Variants in FXYD5 observed in about 807,000 individuals in gnomAD.
FXYD5 encodes the protein FXYD domain containing ion transport regulator 5, also known as FXYD domain-containing ion transport regulator 5.
FXYD5 carries 21 observed loss-of-function variants against 25.7 expected under a neutral mutation model. The observed-to-expected ratio is 0.82, with a 90% CI of 0.58 to 1.18. The LOEUF is 1.18. Ranked by LOEUF, FXYD5 falls within the 50% of genes most tolerant of loss-of-function variation. The pLI is 0.00. For synonymous variants in FXYD5, 101 were observed against 90.7 expected (o/e 1.11, Z -0.64); for missense variants, 229 against 227.7 (o/e 1.01, Z -0.04).
chr19:35,164,141 TG>T lies in FXYD5; in HGVS notation c.293-13del. 1 of 1,613,636 alleles carries T rather than the reference TG, an allele frequency of 6.2e-7. No homozygotes were observed. Reference sequence around the variant, plus strand: ...GGCTCACTCCTGCCCTCCACTGATCTGGCCACTCTCTCAGCTCATCCCACTG... The same window carrying T: ...GGCTCACTCCTGCCCTCCACTGATCTGCCACTCTCTCAGCTCATCCCACTG... On this transcript the variant is annotated splice_polypyrimidine_tract_variant and intron_variant, in intron 5 of 8. Coordinates refer to ENST00000392219, the MANE Select transcript of FXYD5 (RefSeq NM_014164.6).
chr19:35,156,649 G>T (rs2065358516), intron 2 of FXYD5, among the ~76,000 whole-genome samples: 1 of 152,186 alleles, frequency 6.6e-6, no homozygotes, highest in Non-Finnish European at 1.5e-5. Flanking sequence ...AGGCAGGTGG[G>T]GTGGCTGGGT....
chr19:35,169,659 A>AC lies in FXYD5; in HGVS notation c.*46dup. 1.5e-6 allele frequency: 2 copies of AC among 1,332,784 alleles called. No homozygotes were observed. Among genetic ancestry groups the AC allele is most frequent in the Non-Finnish European group, 2.2e-6 (2 of 923,654 alleles). The allele number at this position is 1,332,784 out of a possible 1,614,324, so 82.6% of individuals were successfully genotyped here. On this transcript the variant is annotated 3_prime_UTR_variant, in exon 9 of 9. Transcript: ENST00000392219. The stretch of plus-strand genomic sequence containing the variant: ...CTGACAACCTGCTGGGCACCCGAAG[A>AC]CCAAGCCCCCTGCCAGCTCACCGTG...
chr19:35,155,648 C>A (rs377315579), intron 2 of FXYD5, 37 bp downstream of exon 2: 7 of 1,499,858 alleles, frequency 4.7e-6, no homozygotes, highest in African/African-American at 2.7e-5. Flanking sequence ...TGCCCCAGAG[C>A]CCCCAGCCAG....
intron 8 of FXYD5, among the ~76,000 whole-genome samples, 173 bp from the exon 9 acceptor site, chr19:35,169,393 C>T (rs1600514389): frequency 1.3e-5 from 2 of 151,426 alleles, no homozygotes; most frequent in South Asian, 2.1e-4. Flanking sequence ...AAGGGCCTCT[C>T]GCAGGGCCCC....
At chr19:35,160,398 G>T (rs150475920) in intron 4 of FXYD5, among the ~76,000 whole-genome samples, 1 of 152,006 alleles carries the variant, frequency 6.6e-6, no homozygotes, top group Non-Finnish European at 1.5e-5. Context: ...TGCCCAGGTC[G>T]CTGTGCAATG....
intron 2 of FXYD5, 104 bp downstream of exon 2, chr19:35,155,715 C>T (rs985705340): frequency 1.9e-5 from 16 of 837,876 alleles, no homozygotes; most frequent in Admixed American, 3.5e-5. Context: ...GTTGTCCTGC[C>T]CTGTCACCCT....
At chr19:35,157,629 C>T in intron 3 of FXYD5, 128 bp downstream of exon 3, 1 of 594,296 alleles carries the variant, frequency 1.7e-6, no homozygotes, top group South Asian at 1.8e-5. Flanking sequence ...TACAGACCTT[C>T]AGGCATGGCT....
chr19:35,164,537 G>A (rs2065434222), intron 6 of FXYD5, among the ~76,000 whole-genome samples: 1 of 152,194 alleles, frequency 6.6e-6, no homozygotes, highest in Admixed American at 6.5e-5. Flanking sequence ...CAGCTGGCTG[G>A]TTCTTCTGGT....
At chr19:35,165,998 G>A (rs939046123) in intron 6 of FXYD5, 144 bp from the exon 7 acceptor site, 3 of 765,674 alleles carry the variant, frequency 3.9e-6, no homozygotes, top group African/African-American at 1.7e-5. Context: ...GAGGAATAAT[G>A]GGAGCCAGAT....
intron 5 of FXYD5, 110 bp downstream of exon 5, chr19:35,160,911 T>C (rs2065399225): frequency 1.4e-6 from 1 of 691,068 alleles, no homozygotes; most frequent in East Asian, 2.7e-5. Flanking sequence ...GAATTGTTAA[T>C]ACATTTAAAA....
intron 5 of FXYD5, among the ~76,000 whole-genome samples, chr19:35,163,479 T>TTTG (rs1008060213): frequency 5.3e-5 from 8 of 151,742 alleles, no homozygotes; most frequent in South Asian, 4.2e-4. Context: ...TCAGAATAGT[T>TTTG]TTGTTGTTGT....
chr19:35,163,670 C>T (rs1045367024), intron 5 of FXYD5, among the ~76,000 whole-genome samples: 9 of 152,024 alleles, frequency 5.9e-5, no homozygotes, highest in South Asian at 4.2e-4. Context: ...TTAGTAGAGG[C>T]GGGGTTTCAC....
At chr19:35,164,337 C>A in intron 6 of FXYD5, 92 bp downstream of exon 6, 1 of 1,296,670 alleles carries the variant, frequency 7.7e-7, no homozygotes, top group East Asian at 2.4e-5. Flanking sequence ...CAGAATAGTT[C>A]TCAGTAAAGA....
Position 35,166,250 on chromosome 19 carries a change from G to T in FXYD5, c.413-1G>T. 6.2e-7 allele frequency: 1 copy of T among 1,613,022 alleles called. No individual in the cohort carries two copies. ...CTACCCCTTCATTTTTCTCTCTGCA[G>T]ATGAACACACCCTCCGGAAACGGGG... On this transcript the variant is annotated splice_acceptor_variant, in intron 7 of 8. Transcript: ENST00000392219. LOFTEE classifies it high-confidence loss of function.
At chr19:35,162,318 C>A (rs564442165) in intron 5 of FXYD5, among the ~76,000 whole-genome samples, 1 of 152,298 alleles carries the variant, frequency 6.6e-6, no homozygotes, top group South Asian at 2.1e-4. Flanking sequence ...GTTATTTGAG[C>A]CTCCTAGCTC....
chr19:35,155,511 C>T (rs776630630), intron 1 of FXYD5, 40 bp from the exon 2 acceptor site: 1 of 1,570,904 alleles, frequency 6.4e-7, no homozygotes, highest in Non-Finnish European at 8.7e-7. Flanking sequence ...GTCGGTCTCA[C>T]TGACATCATG....
chr19:35,164,558 CT>C (rs1274392734), intron 6 of FXYD5, among the ~76,000 whole-genome samples: 2 of 152,196 alleles, frequency 1.3e-5, no homozygotes, highest in Non-Finnish European at 2.9e-5. Context: ...TTCAGCTGGA[CT>C]TACTCATGCG....
At chr19:35,168,753 C>T (rs546296878) in intron 8 of FXYD5, among the ~76,000 whole-genome samples, 1 of 152,266 alleles carries the variant, frequency 6.6e-6, no homozygotes, top group African/African-American at 2.4e-5. Flanking sequence ...TTACGTCCTT[C>T]AGACCTTTGT....
chr19:35,162,076 T>C lies in FXYD5; in HGVS notation c.292+1275T>C, dbSNP rs1469137237. Reference sequence around the variant, plus strand: ...GGGATAGCAGCTGTGTCCACACTTATCAATGATAAAGCATTCTCACATCAC... The same window carrying C: ...GGGATAGCAGCTGTGTCCACACTTACCAATGATAAAGCATTCTCACATCAC... On this transcript the variant is annotated intron_variant, in intron 5 of 8. Coordinates refer to ENST00000392219, the MANE Select transcript of FXYD5 (RefSeq NM_014164.6). Among the ~76,000 whole-genome samples the C allele has an allele frequency of 4.6e-5, 7 of 152,370 alleles. No homozygotes were observed. In the East Asian group the frequency reaches 1.3e-3, roughly 29 times the overall value.
Sources: allele counts gnomAD v4.1 joint callset (sites outside exome capture counted in the v4.1 genomes callset), GRCh38; gene constraint gnomAD v4.1.1; transcripts MANE v1.5; gene names NCBI Gene and HGNC (gene_info 2026-07-23, HGNC 2026-07-21).